GRIP1: variants seen among roughly 807,000 people sequenced by gnomAD.
GRIP1 encodes the protein glutamate receptor-interacting protein 1.
Under a neutral mutation model 129.9 loss-of-function variants are expected in GRIP1, and 45 were observed. The observed-to-expected ratio is 0.35, with a 90% CI of 0.27 to 0.44. GRIP1 has a LOEUF of 0.44. Among genes scored for constraint, GRIP1 ranks in the 20% least tolerant of loss-of-function variants. The pLI, the probability that GRIP1 is intolerant of heterozygous loss-of-function variation, is 1.00. For missense variants in GRIP1, 1,196 were observed against 1,396.8 expected (o/e 0.86, Z 2.29); for synonymous variants, 530 against 520.8 (o/e 1.02, Z -0.24).
chr12:66,849,826 T>C (rs2137074839), intron 1 of GRIP1, among the ~76,000 whole-genome samples: 1 of 152,230 alleles, frequency 6.6e-6, no homozygotes, highest in African/African-American at 2.4e-5. Flanking sequence ...CTGTCCCCCT[T>C]CTTCACTTTC....
chr12:66,598,983 C>T (rs2064168436), intron 1 of GRIP1, among the ~76,000 whole-genome samples: 1 of 138,430 alleles, frequency 7.2e-6, no homozygotes, highest in Admixed American at 7.0e-5. Flanking sequence ...GAAATGTACC[C>T]AGTTTGCATT....
intron 23 of GRIP1, among the ~76,000 whole-genome samples, chr12:66,359,046 C>T (rs766627728): frequency 6.6e-6 from 1 of 152,112 alleles, no homozygotes; most frequent in South Asian, 2.1e-4. Context: ...GGGCAGGGAC[C>T]GTCGCCACCA....
chr12:66,885,713 C>T (rs1385330876), intron 1 of GRIP1, among the ~76,000 whole-genome samples: 1 of 152,150 alleles, frequency 6.6e-6, no homozygotes, highest in Admixed American at 6.5e-5. Context: ...AATCTCTCTC[C>T]TCTAAAGCCT....
chr12:67,007,359 G>A (rs1190300755), intron 1 of GRIP1, among the ~76,000 whole-genome samples: 2 of 152,126 alleles, frequency 1.3e-5, no homozygotes, highest in Admixed American at 6.6e-5. Context: ...ATTCAGAAAA[G>A]TAATATCCAC....
intron 1 of GRIP1, among the ~76,000 whole-genome samples, chr12:67,015,839 A>G (rs562237234): frequency 1.7e-3 from 262 of 152,284 alleles, no homozygotes; most frequent in Admixed American, 4.9e-3. Flanking sequence ...GAAATCAGAA[A>G]TATTATCCCC....
chr12:66,820,434 G>C (rs1047146379), intron 1 of GRIP1, among the ~76,000 whole-genome samples: 2 of 152,194 alleles, frequency 1.3e-5, no homozygotes, highest in Admixed American at 1.3e-4. Context: ...TACTTGGGAA[G>C]ACAATTTGGC....
chr12:66,589,266 G>A (rs192866908), intron 2 of GRIP1, among the ~76,000 whole-genome samples: 311 of 132,846 alleles, frequency 2.3e-3, no homozygotes, highest in Middle Eastern at 4.6e-3. Flanking sequence ...CTCGCTCTAG[G>A]TTAGGTTACT....
intron 1 of GRIP1, among the ~76,000 whole-genome samples, chr12:66,695,175 G>A (rs950617972): frequency 3.9e-5 from 6 of 152,196 alleles, no homozygotes; most frequent in African/African-American, 1.4e-4. Context: ...GGGTGGAGAA[G>A]TGGGGCTGAC....
Position 66,827,186 on chromosome 12 carries a change from G to A in GRIP1, c.59-230259C>T, listed in dbSNP as rs370706093. On this transcript the variant is annotated intron_variant, in intron 1 of 1. Coordinates refer to the GRIP1 transcript ENST00000643019. The stretch of plus-strand genomic sequence containing the variant: ...AAGGCTCAGCAAGGTTCTCTTTGTC[G>A]GATCTCTCAAGGCTGCCATCGAGGG... Among the ~76,000 whole-genome samples, 34 of 152,132 alleles carry A rather than the reference G, an allele frequency of 2.2e-4. 1 individual carries two copies. Among genetic ancestry groups the A allele is most frequent in the Middle Eastern group, 3.4e-3 (1 of 294 alleles).
chr12:66,448,014 A>G (rs1291483328), intron 11 of GRIP1, among the ~76,000 whole-genome samples: 6 of 152,150 alleles, frequency 3.9e-5, no homozygotes, highest in African/African-American at 1.4e-4. Context: ...TTCAGCGCAC[A>G]GTTCCATCCT....
intron 1 of GRIP1, among the ~76,000 whole-genome samples, chr12:66,873,317 C>T: frequency 6.6e-6 from 1 of 152,124 alleles, no homozygotes; most frequent in East Asian, 1.9e-4. Flanking sequence ...GGCAAAGTCA[C>T]ACTGTAGAAG....
At chr12:66,495,170 C>T (rs1382443353) in intron 7 of GRIP1, among the ~76,000 whole-genome samples, 1 of 152,188 alleles carries the variant, frequency 6.6e-6, no homozygotes, top group Non-Finnish European at 1.5e-5. Context: ...ACTTTCTTTA[C>T]TTGGCCAGAG....
upstream of GRIP1, among the ~76,000 whole-genome samples, chr12:66,805,135 C>T (rs946507973): frequency 1.8e-4 from 27 of 152,086 alleles, no homozygotes; most frequent in Admixed American, 1.3e-4. Flanking sequence ...CAAATATAAA[C>T]CTAGCTCAAT....
intron 1 of GRIP1, among the ~76,000 whole-genome samples, chr12:66,720,687 A>G (rs2136443300): frequency 6.6e-6 from 1 of 152,326 alleles, no homozygotes; most frequent in South Asian, 2.1e-4. Flanking sequence ...ATCCATAAGA[A>G]GCAACTCATT....
At chr12:66,782,464 G>A (rs891039777) in intron 1 of GRIP1, among the ~76,000 whole-genome samples, 2 of 152,164 alleles carry the variant, frequency 1.3e-5, no homozygotes, top group African/African-American at 4.8e-5. Context: ...TGACATAAAG[G>A]AATGTTTAAG....
intron 1 of GRIP1, among the ~76,000 whole-genome samples, chr12:66,988,212 A>G (rs11832437): frequency 0.41 from 62,765 of 152,002 alleles, 13,865 homozygotes; most frequent in Non-Finnish European, 0.48. Context: ...TTAATCTAAT[A>G]GTGCCACTTA....
chr12:66,485,664 CT>C (rs200035029), intron 7 of GRIP1, among the ~76,000 whole-genome samples: 7 of 151,344 alleles, frequency 4.6e-5, no homozygotes, highest in East Asian at 1.9e-4. Context: ...CTCTCATATG[CT>C]TTTTTTTACA....
chr12:66,832,902 T>C (rs2039543635), intron 1 of GRIP1, among the ~76,000 whole-genome samples: 1 of 152,200 alleles, frequency 6.6e-6, no homozygotes, highest in South Asian at 2.1e-4. Context: ...CTCTGACCCA[T>C]GATCCTAGCA....
Position 66,997,431 on chromosome 12 carries a change from A to G in GRIP1, c.58+71619T>C, listed in dbSNP as rs141347434. On this transcript the variant is annotated intron_variant, in intron 1 of 1. Transcript: ENST00000643019. ...AACCCTATCTCAAAAAATAAGAAGA[A>G]TAACAGGAGAATAAGAAAAGTAGGT... 5.8e-3 allele frequency among the ~76,000 whole-genome samples: 879 copies of G among 152,288 alleles called. 4 individuals are homozygous for G. Among genetic ancestry groups the G allele is most frequent in the Non-Finnish European group, 7.9e-3 (539 of 68,022 alleles).
Sources: allele counts gnomAD v4.1 joint callset (sites outside exome capture counted in the v4.1 genomes callset), GRCh38; gene constraint gnomAD v4.1.1; transcripts MANE v1.5; gene names NCBI Gene and HGNC (gene_info 2026-07-23, HGNC 2026-07-21).